The following NRG3 variants were observed in gnomAD, a reference collection of about 807,000 sequenced individuals.
NRG3 encodes the protein pro-neuregulin-3, membrane-bound isoform.
In NRG3, 31 loss-of-function variants were observed where a neutral mutation model predicts 66.9. That is an observed-to-expected ratio of 0.46 (90% CI 0.35 to 0.63). The LOEUF (loss-of-function observed/expected upper bound fraction) is 0.63, where lower values mean the gene tolerates loss of function less well. Among genes scored for constraint, NRG3 ranks in the 20% least tolerant of loss-of-function variants. The pLI, the probability that NRG3 is intolerant of heterozygous loss-of-function variation, is 0.00. For synonymous variants in NRG3, 393 were observed against 359.4 expected (o/e 1.09, Z -1.06); for missense variants, 910 against 878.9 (o/e 1.04, Z -0.45).
intron 3 of NRG3, among the ~76,000 whole-genome samples, chr10:82,759,054 G>A (rs184936352): frequency 6.6e-6 from 1 of 152,096 alleles, no homozygotes; most frequent in Non-Finnish European, 1.5e-5. Flanking sequence ...GTAGGACCTA[G>A]TGAGAGATGT....
chr10:82,614,979 G>A (rs559276913), intron 2 of NRG3, among the ~76,000 whole-genome samples: 2 of 151,430 alleles, frequency 1.3e-5, no homozygotes, highest in South Asian at 2.1e-4. Context: ...TTTCCCTTAT[G>A]TTTATTGATA....
At chr10:82,322,372 G>A (rs1475577166) in intron 1 of NRG3, among the ~76,000 whole-genome samples, 1 of 152,118 alleles carries the variant, frequency 6.6e-6, no homozygotes, top group Admixed American at 6.5e-5. Flanking sequence ...TGAAGAATAT[G>A]TAAGTAGGGA....
At chr10:82,682,256 T>TTGTCACATG (rs138018738) in intron 2 of NRG3, among the ~76,000 whole-genome samples, 2,946 of 152,302 alleles carry the variant, frequency 0.019, 89 homozygotes, top group African/African-American at 0.066. Flanking sequence ...ACCACAAACC[T>TTGTCACATG]TGTCACATGC....
intron 1 of NRG3, among the ~76,000 whole-genome samples, chr10:82,051,725 G>T (rs1002482903): frequency 2.0e-5 from 3 of 152,094 alleles, no homozygotes; most frequent in East Asian, 3.9e-4. Context: ...TGTATCAACT[G>T]TCCTGTTTAT....
intron 1 of NRG3, among the ~76,000 whole-genome samples, chr10:82,212,880 T>C (rs180894913): frequency 6.6e-6 from 1 of 152,358 alleles, no homozygotes; most frequent in Non-Finnish European, 1.5e-5. Flanking sequence ...ATTTAAAAAG[T>C]AAATATATTG....
intron 1 of NRG3, among the ~76,000 whole-genome samples, chr10:81,949,307 A>C (rs540312862): frequency 0.011 from 1,670 of 152,336 alleles, 11 homozygotes; most frequent in African/African-American, 0.024. Flanking sequence ...CCAGGAAGTC[A>C]AGGACTAAGG....
intron 3 of NRG3, among the ~76,000 whole-genome samples, chr10:82,785,091 A>G (rs897751995): frequency 1.3e-5 from 2 of 152,084 alleles, no homozygotes; most frequent in Non-Finnish European, 2.9e-5. Context: ...ATTCTCGGTA[A>G]ACTATCGCAA....
At chr10:82,546,902 T>G (rs1267716794) in intron 2 of NRG3, among the ~76,000 whole-genome samples, 1 of 152,028 alleles carries the variant, frequency 6.6e-6, no homozygotes, top group African/African-American at 2.4e-5. Flanking sequence ...CCAAAACTGT[T>G]GCCCATCAAT....
chr10:82,091,720 T>G (rs2066036842), intron 1 of NRG3, among the ~76,000 whole-genome samples: 1 of 152,184 alleles, frequency 6.6e-6, no homozygotes, highest in African/African-American at 2.4e-5. Flanking sequence ...TTTTAGTGTT[T>G]TTGAGGAACT....
chr10:82,215,615 A>T (rs1309349272), intron 1 of NRG3, among the ~76,000 whole-genome samples: 1 of 152,214 alleles, frequency 6.6e-6, no homozygotes, highest in Non-Finnish European at 1.5e-5. Flanking sequence ...TGAATAAATT[A>T]TGCAATCGAT....
intron 2 of NRG3, among the ~76,000 whole-genome samples, chr10:82,523,666 C>G (rs995244507): frequency 6.6e-6 from 1 of 152,066 alleles, no homozygotes; most frequent in Non-Finnish European, 1.5e-5. Flanking sequence ...TTCTCCCATT[C>G]TGTGGGTAGC....
At chr10:82,520,320 A>C (rs1325729058) in intron 2 of NRG3, among the ~76,000 whole-genome samples, 2 of 151,820 alleles carry the variant, frequency 1.3e-5, no homozygotes, top group Non-Finnish European at 2.9e-5. Context: ...ATTTAAATGG[A>C]TCCAAATCTT....
chr10:82,152,820 TTTTC>T (rs1339236167), intron 1 of NRG3, among the ~76,000 whole-genome samples: 7 of 147,184 alleles, frequency 4.8e-5, no homozygotes, highest in Admixed American at 4.7e-4. Context: ...CTCTCTCTCT[TTTTC>T]TTTCTCTTTC....
chr10:82,900,656 T>C (rs1253676250), intron 4 of NRG3, among the ~76,000 whole-genome samples: 2 of 152,186 alleles, frequency 1.3e-5, no homozygotes, highest in South Asian at 4.1e-4. Context: ...TTTTTTAAAA[T>C]CACAGTGGCC....
At chr10:82,526,051 G>T (rs1374857351) in intron 2 of NRG3, among the ~76,000 whole-genome samples, 2 of 151,942 alleles carry the variant, frequency 1.3e-5, no homozygotes, top group Admixed American at 1.3e-4. Context: ...AAATTTAGTT[G>T]ACTGGGTGGA....
At chr10:82,897,829 A>G (rs529823456) in intron 4 of NRG3, among the ~76,000 whole-genome samples, 176 of 152,308 alleles carry the variant, frequency 1.2e-3, no homozygotes, top group Non-Finnish European at 1.6e-3. Context: ...TAGAACTAGC[A>G]TGTCTTAATG....
intron 2 of NRG3, among the ~76,000 whole-genome samples, chr10:82,534,208 A>G (rs987217071): frequency 1.7e-4 from 25 of 151,052 alleles, no homozygotes; most frequent in African/African-American, 4.8e-4. Flanking sequence ...TACAAATTCA[A>G]TGCAATCTGC....
intron 1 of NRG3, among the ~76,000 whole-genome samples, chr10:82,041,700 A>G (rs7089051): frequency 0.89 from 134,808 of 151,924 alleles, 60,958 homozygotes; most frequent in South Asian, 0.99. Context: ...GGTGTATGAC[A>G]AAGATCTATG....
chr10:82,984,724 T>C, intron 8 of NRG3: 1 of 1,534,838 alleles, frequency 6.5e-7, no homozygotes, highest in Non-Finnish European at 8.8e-7. Flanking sequence ...GGGTGTCCTG[T>C]TTGTCACAAT....
Sources: allele counts gnomAD v4.1 joint callset (sites outside exome capture counted in the v4.1 genomes callset), GRCh38; gene constraint gnomAD v4.1.1; transcripts MANE v1.5; gene names NCBI Gene and HGNC (gene_info 2026-07-23, HGNC 2026-07-21).